Variants in MEGF11 observed in about 807,000 individuals in gnomAD.
MEGF11 encodes multiple EGF like domains 11.
In MEGF11, 126 loss-of-function variants were observed where a neutral mutation model predicts 146.6. The observed-to-expected ratio is 0.86, with a 90% CI of 0.74 to 1.00. The LOEUF (loss-of-function observed/expected upper bound fraction) is 1.00, where lower values mean the gene tolerates loss of function less well. Among genes scored for constraint, MEGF11 ranks in the 50% least tolerant of loss-of-function variants. The probability of loss-of-function intolerance (pLI) is 0.00; values close to 1 mark genes in which losing one functional copy is unlikely to be tolerated. For missense variants in MEGF11, 1,509 were observed against 1,521.2 expected, an observed-to-expected ratio of 0.99 and a Z score of 0.13; for synonymous variants, 532 against 583.4, an observed-to-expected ratio of 0.91 and a Z score of 1.27.
chr15:66,235,542 AC>A (rs5813386), intron 1 of MEGF11, among the ~76,000 whole-genome samples: 2,091 of 151,952 alleles, frequency 0.014, 45 homozygotes, highest in African/African-American at 0.048. Context: ...AAATCCAGAG[AC>A]ATGGCCAAGA....
rs571946458 is a variant in MEGF11 at position 65,939,780 on chromosome 15, AC to A, written c.1288-8838del. Reference sequence around the variant, plus strand: ...AGTGCTGGGATTACAGGCGTGAGCCACCGTGCCCAGCCCTCTTTAACTCTCC... The same window carrying A: ...AGTGCTGGGATTACAGGCGTGAGCCACGTGCCCAGCCCTCTTTAACTCTCC... On this transcript the variant is annotated intron_variant, in intron 10 of 25. Transcript: ENST00000395614. Among the ~76,000 whole-genome samples, 19 of 152,296 alleles carry A rather than the reference AC, an allele frequency of 1.2e-4. 1 individual carries two copies. In the South Asian group the frequency reaches 3.7e-3, roughly 30 times the overall value.
intron 5 of MEGF11, among the ~76,000 whole-genome samples, chr15:66,065,873 A>G (rs991002372): frequency 6.6e-6 from 1 of 152,122 alleles, no homozygotes; most frequent in Non-Finnish European, 1.5e-5. Flanking sequence ...CTTCCAGGGA[A>G]CTTGGACAGT....
chr15:66,070,179 G>A (rs949778779), intron 5 of MEGF11, among the ~76,000 whole-genome samples: 4 of 152,216 alleles, frequency 2.6e-5, no homozygotes, highest in Admixed American at 6.5e-5. Flanking sequence ...TGCCCCACAG[G>A]CAATGAGGAC....
chr15:66,169,920 C>G (rs888148433), intron 1 of MEGF11, among the ~76,000 whole-genome samples: 1 of 152,130 alleles, frequency 6.6e-6, no homozygotes, highest in African/African-American at 2.4e-5. Context: ...ATCCCAGGAA[C>G]TGGGCCCCAT....
intron 5 of MEGF11, among the ~76,000 whole-genome samples, chr15:66,026,486 CATT>C (rs1358604762): frequency 6.6e-6 from 1 of 152,108 alleles, no homozygotes; most frequent in Non-Finnish European, 1.5e-5. Flanking sequence ...TGAAGCCTAG[CATT>C]ATTATTATTT....
chr15:66,228,480 T>C (rs907583718), intron 1 of MEGF11, among the ~76,000 whole-genome samples: 15 of 151,966 alleles, frequency 9.9e-5, no homozygotes, highest in Non-Finnish European at 1.9e-4. Flanking sequence ...CACTCACACA[T>C]GCACACAGAC....
intron 5 of MEGF11, among the ~76,000 whole-genome samples, chr15:66,041,230 G>A (rs2083962478): frequency 6.6e-6 from 1 of 152,196 alleles, no homozygotes; most frequent in Non-Finnish European, 1.5e-5. Flanking sequence ...CAGGTCTTTG[G>A]TAAGTTGATC....
At chr15:65,978,590 A>C (rs2081528677) in intron 7 of MEGF11, among the ~76,000 whole-genome samples, 1 of 152,162 alleles carries the variant, frequency 6.6e-6, no homozygotes. Context: ...AGAGGCCTTT[A>C]CAGGCAAAGG....
intron 1 of MEGF11, among the ~76,000 whole-genome samples, chr15:66,244,842 T>C (rs957916635): frequency 6.6e-6 from 1 of 152,126 alleles, no homozygotes; most frequent in Non-Finnish European, 1.5e-5. Flanking sequence ...ATTCAACAAA[T>C]ACTGAAGTGC....
intron 5 of MEGF11, among the ~76,000 whole-genome samples, chr15:66,021,899 G>A (rs1293766238): frequency 6.6e-6 from 1 of 152,220 alleles, no homozygotes; most frequent in Non-Finnish European, 1.5e-5. Context: ...ACAGCAAAAT[G>A]TCTCTCCAGA....
intron 25 of MEGF11, chr15:65,898,356 A>G (rs1270768445): frequency 6.7e-5 from 66 of 985,286 alleles, no homozygotes; most frequent in Non-Finnish European, 7.8e-5. Flanking sequence ...CAGGGACATA[A>G]ACTGGGAGAA....
chr15:66,011,146 C>T (rs3931067), intron 5 of MEGF11, among the ~76,000 whole-genome samples: 25,164 of 152,160 alleles, frequency 0.17, 2,680 homozygotes, highest in East Asian at 0.58. Flanking sequence ...GCTTTAGTCT[C>T]GGCACTCAGT....
intron 1 of MEGF11, among the ~76,000 whole-genome samples, chr15:66,155,166 A>G (rs1261539400): frequency 6.6e-6 from 1 of 152,248 alleles, no homozygotes; most frequent in Non-Finnish European, 1.5e-5. Flanking sequence ...CTTCCTGGTC[A>G]GTTCTGGCTG....
chr15:65,997,823 A>G (rs1379067633), intron 5 of MEGF11, among the ~76,000 whole-genome samples: 1 of 152,240 alleles, frequency 6.6e-6, no homozygotes, highest in Admixed American at 6.5e-5. Flanking sequence ...CAAGAGCTTG[A>G]TAGAAAACAA....
chr15:66,061,466 G>A (rs1014677770), intron 5 of MEGF11, among the ~76,000 whole-genome samples: 1 of 152,168 alleles, frequency 6.6e-6, no homozygotes, highest in African/African-American at 2.4e-5. Context: ...CCAGGCATGG[G>A]GAGATGCTGG....
chr15:65,958,366 G>T (rs879786483), intron 9 of MEGF11, among the ~76,000 whole-genome samples: 1 of 152,230 alleles, frequency 6.6e-6, no homozygotes, highest in African/African-American at 2.4e-5. Flanking sequence ...AGAGGCAGGG[G>T]ATCCCTGGCA....
chr15:66,223,960 C>G (rs965106769), intron 1 of MEGF11, among the ~76,000 whole-genome samples: 7 of 152,188 alleles, frequency 4.6e-5, no homozygotes, highest in Non-Finnish European at 1.0e-4. Flanking sequence ...CAACCTCCCT[C>G]AAGAGGTCAG....
chr15:66,113,485 G>A (rs1166953108), intron 4 of MEGF11, among the ~76,000 whole-genome samples: 1 of 152,188 alleles, frequency 6.6e-6, no homozygotes, highest in Non-Finnish European at 1.5e-5. Context: ...TGGGCAGATA[G>A]ACTCCCCCTC....
chr15:66,201,957 A>C (rs971456886), intron 1 of MEGF11, among the ~76,000 whole-genome samples: 89 of 146,922 alleles, frequency 6.1e-4, no homozygotes, highest in Non-Finnish European at 1.2e-3. Flanking sequence ...AAAAAAAAAA[A>C]AAAAAAAAAA....
Sources: allele counts gnomAD v4.1 joint callset (sites outside exome capture counted in the v4.1 genomes callset), GRCh38; gene constraint gnomAD v4.1.1; transcripts MANE v1.5; gene names NCBI Gene and HGNC (gene_info 2026-07-23, HGNC 2026-07-21).